The following DLG1 variants were observed in gnomAD, a reference collection of about 807,000 sequenced individuals.
DLG1 encodes the protein discs large MAGUK scaffold protein 1.
A neutral mutation model predicts 123.4 loss-of-function variants in DLG1; 42 were observed. That is an observed-to-expected ratio of 0.34 (90% CI 0.27 to 0.44). The LOEUF (loss-of-function observed/expected upper bound fraction) is 0.44, where lower values mean the gene tolerates loss of function less well. Ranked by LOEUF, DLG1 falls within the 20% of genes least tolerant of loss-of-function variation. The pLI, the probability that DLG1 is intolerant of heterozygous loss-of-function variation, is 1.00. For synonymous variants in DLG1, 317 were observed against 356.2 expected (o/e 0.89, Z 1.24); for missense variants, 942 against 1,082.6 (o/e 0.87, Z 1.82).
At position 197,099,100 on chromosome 3, in the gene DLG1, C is replaced by G. The variant is rs144961507; in HGVS notation, c.1546+5803G>C. The stretch of plus-strand genomic sequence containing the variant: ...GTTTTTTTGGAGACAGGCTCTTGCT[C>G]TGTCATCCAGGCTGGAGTGCAGTGG... On this transcript the variant is annotated intron_variant, in intron 14 of 24. Coordinates refer to ENST00000667157, the MANE Select transcript of DLG1 (RefSeq NM_001366207.1). 1.7e-3 allele frequency among the ~76,000 whole-genome samples: 255 copies of G among 152,322 alleles called. 4 individuals are homozygous for G. The highest frequency in any genetic ancestry group is 0.016 in the East Asian group (84 of 5,182).
Position 197,115,998 on chromosome 3 carries a change from T to C in DLG1, c.1372A>G (p.Ile458Val). The change falls in exon 13 of 25, where the codon ATT (isoleucine) becomes GTT (valine). Residue 458 changes from isoleucine (I) to valine (V), a missense_variant. Ile to Val is a conservative substitution (Grantham distance 29). Coordinates refer to ENST00000667157, the MANE Select transcript of DLG1 (RefSeq NM_001366207.1). ...GGTCCTCCGGCTAAGATAAAGGAAATAAATATTCCTTCTCCATCTTCTCCT... is the reference window on the plus strand; with the variant it reads ...GGTCCTCCGGCTAAGATAAAGGAAACAAATATTCCTTCTCCATCTTCTCCT... Reference protein sequence around the residue: ...VGGEDGEGIFISFILAGGPAD... With the variant: ...VGGEDGEGIFVSFILAGGPAD... 6.2e-7 allele frequency: 1 copy of C among 1,613,146 alleles called. No homozygotes were observed. The highest frequency in any genetic ancestry group is 8.5e-7 in the Non-Finnish European group (1 of 1,179,532).
chr3:197,065,457 G>GA lies in DLG1; in HGVS notation c.2201-10dup. The GA allele has an allele frequency of 6.4e-7, 1 of 1,562,406 alleles. No homozygotes were observed. Among genetic ancestry groups the GA allele is most frequent in the Non-Finnish European group, 8.6e-7 (1 of 1,161,218 alleles). ...TTTTGGTCTAGTTGTATCTTTAACA[G>GA]AAAAAAACTTGGGAAAGTGTTTAAT... On this transcript the variant is annotated splice_polypyrimidine_tract_variant and intron_variant, in intron 21 of 24. Coordinates refer to ENST00000667157, the MANE Select transcript of DLG1 (RefSeq NM_001366207.1).
At chr3:197,093,102 TTATATCTGTA>T (rs1259456659) in intron 14 of DLG1, among the ~76,000 whole-genome samples, 1 of 152,170 alleles carries the variant, frequency 6.6e-6, no homozygotes, top group African/African-American at 2.4e-5. Context: ...TTCCATATTT[TTATATCTGTA>T]TATATGTGTG....
At chr3:197,250,522 T>C (rs1753850984) in intron 4 of DLG1, among the ~76,000 whole-genome samples, 1 of 147,476 alleles carries the variant, frequency 6.8e-6, no homozygotes, top group African/African-American at 2.5e-5. Flanking sequence ...TGAGCCGAGA[T>C]CATGCCACTG....
chr3:197,212,164 T>C (rs1050280957), intron 4 of DLG1, among the ~76,000 whole-genome samples: 3 of 146,082 alleles, frequency 2.1e-5, no homozygotes, highest in Non-Finnish European at 4.6e-5. Context: ...GGTGATGTAA[T>C]AATCTGTTCA....
In DLG1 at chr3:197,073,746, G is replaced by A. The variant is rs183546840; in HGVS notation, c.2005+2840C>T. On this transcript the variant is annotated intron_variant, in intron 18 of 24. Transcript: ENST00000667157. Reference sequence around the variant, plus strand: ...TGGTATCACTTCTGTTTCTCTGTCTGCTCTTCAATTAAATACCCCATTTTT... The same window carrying A: ...TGGTATCACTTCTGTTTCTCTGTCTACTCTTCAATTAAATACCCCATTTTT... 2.3e-4 allele frequency among the ~76,000 whole-genome samples: 35 copies of A among 152,086 alleles called. No individual in the cohort carries two copies. The East Asian group carries it at 6.4e-3, about 28-fold the overall frequency.
chr3:197,166,482 T>C (rs1035651432), intron 5 of DLG1, among the ~76,000 whole-genome samples: 5 of 152,218 alleles, frequency 3.3e-5, no homozygotes, highest in African/African-American at 1.2e-4. Flanking sequence ...TGTGTGTGTA[T>C]ATATGTGCAT....
chr3:197,195,745 G>C (rs903415796), intron 4 of DLG1, among the ~76,000 whole-genome samples: 1 of 152,078 alleles, frequency 6.6e-6, no homozygotes. Context: ...GAGGTAGAAG[G>C]GGGTGTGGGG....
chr3:197,108,582 T>C (rs913720015), intron 13 of DLG1, among the ~76,000 whole-genome samples: 2 of 98,444 alleles, frequency 2.0e-5, no homozygotes, highest in African/African-American at 7.6e-5. Context: ...ATATATACCA[T>C]CTATGACTAC....
intron 4 of DLG1, among the ~76,000 whole-genome samples, chr3:197,280,337 TTGTG>T (rs10575004): frequency 0.17 from 26,169 of 149,916 alleles, 2,575 homozygotes; most frequent in African/African-American, 0.27. Flanking sequence ...GTAGTCCATT[TTGTG>T]TGTGTGTGTG....
chr3:197,119,530 G>C lies in DLG1; in HGVS notation c.1166C>G (p.Ser389Cys). 6.2e-7 allele frequency: 1 copy of C among 1,601,724 alleles called. No homozygotes were observed. Residue 389 changes from serine (S) to cysteine (C), a missense_variant and splice_region_variant, in exon 12 of 25, where the codon TCT (serine) becomes TGT (cysteine). By Grantham distance (112) the Ser-to-Cys change is moderately radical. Transcript: ENST00000667157. ...DGYAPPDITNSSSQPVDNHVS... is the reference protein window; with the variant it reads ...DGYAPPDITNCSSQPVDNHVS... ...ATGGTTATCAACAGGCTGAGAAGAA[G>C]CTTCAAAATAAACAAAGTGAAAAAT...
intron 13 of DLG1, among the ~76,000 whole-genome samples, chr3:197,110,190 T>C (rs543569279): frequency 4.1e-4 from 63 of 152,322 alleles, no homozygotes; most frequent in African/African-American, 1.5e-3. Flanking sequence ...CTTTCTTTGT[T>C]ATTGTTCAGT....
intron 4 of DLG1, among the ~76,000 whole-genome samples, chr3:197,226,799 C>A (rs1241293836): frequency 6.6e-6 from 1 of 152,106 alleles, no homozygotes; most frequent in African/African-American, 2.4e-5. Context: ...TTTAACTCAC[C>A]GACATATCAC....
chr3:197,277,854 C>G lies in DLG1; in HGVS notation c.318+4825G>C, dbSNP rs2151106772. On this transcript the variant is annotated intron_variant, in intron 4 of 24. Coordinates refer to ENST00000667157, the MANE Select transcript of DLG1 (RefSeq NM_001366207.1). Reference sequence around the variant, plus strand: ...TATTTTTTAAAATTAAGAGAGAGAGCCGGGTGTGGTACCTTACACCTGTAA... The same window carrying G: ...TATTTTTTAAAATTAAGAGAGAGAGGCGGGTGTGGTACCTTACACCTGTAA... Among the ~76,000 whole-genome samples, 3 of 152,096 alleles carry G rather than the reference C, an allele frequency of 2.0e-5. No homozygotes were observed. In the Middle Eastern group the frequency reaches 0.01, roughly 517 times the overall value.
intron 4 of DLG1, among the ~76,000 whole-genome samples, chr3:197,250,175 A>C (rs1307543753): frequency 1.3e-5 from 2 of 152,228 alleles, no homozygotes; most frequent in African/African-American, 2.4e-5. Context: ...ACCAAAAAAA[A>C]CTGTAAGAAC....
intron 14 of DLG1, among the ~76,000 whole-genome samples, chr3:197,102,199 T>C (rs1426207515): frequency 6.6e-6 from 1 of 152,204 alleles, no homozygotes; most frequent in Non-Finnish European, 1.5e-5. Context: ...TTTTTTCTCA[T>C]AATCAGAATC....
intron 5 of DLG1, among the ~76,000 whole-genome samples, chr3:197,157,736 T>C (rs1210288710): frequency 6.6e-6 from 1 of 152,004 alleles, no homozygotes. Context: ...AAAGCCAAAA[T>C]GGTAATGAAA....
chr3:197,258,507 GGT>G (rs1304313861), intron 4 of DLG1, among the ~76,000 whole-genome samples: 1 of 152,150 alleles, frequency 6.6e-6, no homozygotes, highest in African/African-American at 2.4e-5. Flanking sequence ...GGGTATCCAT[GGT>G]AGCAATGATG....
rs113929162 is a variant in DLG1, at chr3:197,094,467, G to A, written c.1547-3441C>T. 4.7e-3 allele frequency among the ~76,000 whole-genome samples: 715 copies of A among 152,238 alleles called. 3 individuals carry two copies. Among genetic ancestry groups the A allele is most frequent in the Non-Finnish European group, 7.9e-3 (540 of 68,000 alleles). On this transcript the variant is annotated intron_variant, in intron 14 of 24. Transcript: ENST00000667157. ...TCCTACAAGCAATCTTCCCAGATTGGATTGGAAATACTATCCTTTTATATC... is the reference window on the plus strand; with the variant it reads ...TCCTACAAGCAATCTTCCCAGATTGAATTGGAAATACTATCCTTTTATATC...
Sources: allele counts gnomAD v4.1 joint callset (sites outside exome capture counted in the v4.1 genomes callset), GRCh38; gene constraint gnomAD v4.1.1; transcripts MANE v1.5; gene names NCBI Gene and HGNC (gene_info 2026-07-23, HGNC 2026-07-21).